OR5K1: variants seen among roughly 807,000 people sequenced by gnomAD.
OR5K1 encodes olfactory receptor family 5 subfamily K member 1.
In OR5K1, 7 loss-of-function variants were observed where a neutral mutation model predicts 10.4. That is an observed-to-expected ratio of 0.67 (90% CI 0.38 to 1.26). The LOEUF is 1.26. Among genes scored for constraint, OR5K1 ranks in the 50% most tolerant of loss-of-function variants. The pLI is 0.02. For missense variants in OR5K1, 435 were observed against 366.2 expected (o/e 1.19, Z -1.53); for synonymous variants, 135 against 128.5 (o/e 1.05, Z -0.34).
chr3:98,469,317 AC>A (rs1449424612), intron 1 of OR5K1, among the ~76,000 whole-genome samples: 1 of 152,046 alleles, frequency 6.6e-6, no homozygotes, highest in Non-Finnish European at 1.5e-5. Context: ...AGACTGAAAA[AC>A]TACTATTAGG....
chr3:98,469,038 C>T (rs1053623337), intron 1 of OR5K1, among the ~76,000 whole-genome samples: 15 of 151,972 alleles, frequency 9.9e-5, no homozygotes, highest in African/African-American at 3.6e-4. Context: ...AACCTAAATG[C>T]CCATCAACAA....
At chr3:98,469,325 T>C (rs965409304) in intron 1 of OR5K1, among the ~76,000 whole-genome samples, 1 of 152,026 alleles carries the variant, frequency 6.6e-6, no homozygotes, top group Non-Finnish European at 1.5e-5. Context: ...AAACTACTAT[T>C]AGGTACTATT....
At chr3:98,468,553 C>A (rs969623126) in intron 1 of OR5K1, among the ~76,000 whole-genome samples, 3 of 152,006 alleles carry the variant, frequency 2.0e-5, no homozygotes, top group African/African-American at 7.2e-5. Flanking sequence ...ACTCTAGGTA[C>A]CTGTAAATGG....
At chr3:98,463,415 T>G (rs1249766689) in intron 1 of OR5K1, 108 bp downstream of exon 1, 1 of 152,212 alleles carries the variant, frequency 6.6e-6, no homozygotes, top group Non-Finnish European at 1.5e-5. Flanking sequence ...TTTTTCAATG[T>G]TTTAAGCTGG....
chr3:98,463,926 A>G (rs1465857359), intron 1 of OR5K1, among the ~76,000 whole-genome samples: 1 of 152,182 alleles, frequency 6.6e-6, no homozygotes, highest in Non-Finnish European at 1.5e-5. Context: ...TTCAAATTAC[A>G]TAAGTTTCAA....
rs1229299172 is a variant in OR5K1, at chr3:98,469,632, A to C, written c.56A>C (p.Asp19Ala). The C allele has an allele frequency of 6.2e-7, 1 of 1,613,236 alleles. No individual in the cohort carries two copies. The highest frequency in any genetic ancestry group is 1.3e-5 in the African/African-American group (1 of 74,884). ...GAGTTTATCCTCACAGGATTTACAG[A>C]TCACCCTGAGCTGAAGACTCTGCTG... ...KNEFILTGFT[D>A]HPELKTLLFV... The change falls in exon 2 of 2, where the codon GAT (aspartate) becomes GCT (alanine). Residue 19 changes from aspartate (D) to alanine (A), a missense_variant. By Grantham distance (126) the Asp-to-Ala change is moderately radical. Coordinates refer to ENST00000642057, the MANE Select transcript of OR5K1 (RefSeq NM_001004736.4).
chr3:98,470,569 C>A lies in OR5K1; in HGVS notation c.*66C>A, dbSNP rs369236213. On this transcript the variant is annotated 3_prime_UTR_variant, in exon 2 of 2. Coordinates refer to ENST00000642057, the MANE Select transcript of OR5K1 (RefSeq NM_001004736.4). ...AATGATTTAAATGCAGCAAAAACTT[C>A]CATGTGAAATTACACAGGGGAAATG... 158 of 929,184 alleles carry A rather than the reference C, an allele frequency of 1.7e-4. No individual in the cohort carries two copies. The East Asian group carries it at 3.3e-3, about 19-fold the overall frequency. 57.6% of individuals were successfully genotyped at this position (929,184 alleles called of 1,614,324 possible).
chr3:98,472,508 C>T lies in OR5K1; in HGVS notation c.*2005C>T, dbSNP rs370455257. 4.6e-5 allele frequency: 7 copies of T among 152,008 alleles called. No homozygotes were observed. The South Asian group carries it at 1.2e-3, about 27-fold the overall frequency. 9.4% of individuals were successfully genotyped at this position (152,008 alleles called of 1,614,324 possible). On this transcript the variant is annotated 3_prime_UTR_variant, in exon 2 of 2. Coordinates refer to ENST00000642057, the MANE Select transcript of OR5K1 (RefSeq NM_001004736.4). ...ACCACAGAACCTTTTCCAGGCAACA[C>T]GAACTCTTCCCTTCTTGATGTTGCT... is the stretch of plus-strand genomic sequence containing the variant.
chr3:98,469,432 TG>T, intron 1 of OR5K1, 133 bp from the exon 2 acceptor site: 2 of 745,376 alleles, frequency 2.7e-6, no homozygotes, highest in East Asian at 2.7e-5. Flanking sequence ...TCCCCATGAA[TG>T]GGGCATGCAC....
At position 98,472,721 on chromosome 3, in the gene OR5K1, C is replaced by G. The variant is rs145746506; in HGVS notation, c.*2218C>G. ...AATAAAAAAAAAGTGAGGGATAACA[C>G]TGTTGTATGGCTCTGGCCTCCTTTT... On this transcript the variant is annotated 3_prime_UTR_variant, in exon 2 of 2. Coordinates refer to ENST00000642057, the MANE Select transcript of OR5K1 (RefSeq NM_001004736.4). 1 of 151,870 alleles carries G rather than the reference C, an allele frequency of 6.6e-6. No homozygotes were observed. Among genetic ancestry groups the G allele is most frequent in the Non-Finnish European group, 1.5e-5 (1 of 67,924 alleles). The allele number at this position is 151,870 out of a possible 1,614,324, so 9.4% of individuals were successfully genotyped here. A position where few individuals can be genotyped will look rare whatever the true frequency, so the allele number is the denominator to read the frequency against.
chr3:98,465,377 G>T (rs1486212524), intron 1 of OR5K1, among the ~76,000 whole-genome samples: 2 of 152,032 alleles, frequency 1.3e-5, no homozygotes, highest in Admixed American at 6.6e-5. Flanking sequence ...TTACTAAATG[G>T]TTATACCACC....
At chr3:98,469,409 T>G (rs1164694967) in intron 1 of OR5K1, 157 bp from the exon 2 acceptor site, 1 of 650,172 alleles carries the variant, frequency 1.5e-6, no homozygotes, top group East Asian at 2.7e-5. Flanking sequence ...AATTCCTTTA[T>G]GGAAATTCAT....
At chr3:98,464,004 C>T (rs1013775975) in intron 1 of OR5K1, among the ~76,000 whole-genome samples, 3 of 152,104 alleles carry the variant, frequency 2.0e-5, no homozygotes, top group African/African-American at 7.2e-5. Context: ...CCTGTAATCT[C>T]AGCACTTTGG....
chr3:98,471,721 A>G lies in OR5K1; in HGVS notation c.*1218A>G, dbSNP rs1705449929. 1 of 152,042 alleles carries G rather than the reference A, an allele frequency of 6.6e-6. No individual in the cohort carries two copies. Among genetic ancestry groups the G allele is most frequent in the Non-Finnish European group, 1.5e-5 (1 of 67,956 alleles). The allele number at this position is 152,042 out of a possible 1,614,324, so 9.4% of individuals were successfully genotyped here. ...GCTCTGAGGACCTGTCTAAATTCCC[A>G]GAAAGCAATTGTCAAGTGCTCCAGG... On this transcript the variant is annotated 3_prime_UTR_variant, in exon 2 of 2. Coordinates refer to ENST00000642057, the MANE Select transcript of OR5K1 (RefSeq NM_001004736.4).
rs888788824 is a variant in OR5K1, at chr3:98,472,199, T to C, written c.*1696T>C. The stretch of plus-strand genomic sequence containing the variant: ...AGGCTGCATTGATTTTCAGCTAAAA[T>C]GTCTATTTATCCAACCCACAAGGCT... On this transcript the variant is annotated 3_prime_UTR_variant, in exon 2 of 2. Coordinates refer to ENST00000642057, the MANE Select transcript of OR5K1 (RefSeq NM_001004736.4). The C allele has an allele frequency of 6.6e-6, 1 of 151,284 alleles. No individual in the cohort carries two copies. Among genetic ancestry groups the C allele is most frequent in the African/African-American group, 2.4e-5 (1 of 41,068 alleles). 9.4% of individuals were successfully genotyped at this position (151,284 alleles called of 1,614,324 possible). A position where few individuals can be genotyped will look rare whatever the true frequency, so the allele number is the denominator to read the frequency against.
intron 1 of OR5K1, among the ~76,000 whole-genome samples, chr3:98,466,039 C>G (rs1436303247): frequency 6.6e-6 from 1 of 151,946 alleles, no homozygotes; most frequent in African/African-American, 2.4e-5. Flanking sequence ...CCAATGCTAT[C>G]CCTCCCCGGT....
At chr3:98,467,829 A>T (rs1170336898) in intron 1 of OR5K1, among the ~76,000 whole-genome samples, 2 of 140,832 alleles carry the variant, frequency 1.4e-5, no homozygotes, top group African/African-American at 5.4e-5. Flanking sequence ...CTAGATAAAC[A>T]ATCATGTCGT....
intron 1 of OR5K1, among the ~76,000 whole-genome samples, chr3:98,468,732 G>T (rs1449618603): frequency 6.6e-6 from 1 of 151,854 alleles, no homozygotes; most frequent in Non-Finnish European, 1.5e-5. Flanking sequence ...TGGACATTTG[G>T]TTTGCTTCCA....
intron 1 of OR5K1, among the ~76,000 whole-genome samples, chr3:98,469,125 C>T (rs1201405965): frequency 6.6e-6 from 1 of 152,002 alleles, no homozygotes; most frequent in African/African-American, 2.4e-5. Context: ...AGATCATGTC[C>T]TTTGTAGCAA....
Sources: gnomAD v4.1 joint callset for allele counts (sites outside exome capture counted in the v4.1 genomes callset) on GRCh38, gnomAD v4.1.1 for gene constraint, MANE v1.5 for transcripts, NCBI Gene and HGNC (gene_info 2026-07-23, HGNC 2026-07-21) for gene names.